Variants in GALNTL6 observed in about 807,000 individuals in gnomAD.
GALNTL6 encodes polypeptide N-acetylgalactosaminyltransferase like 6.
GALNTL6 carries 46 observed loss-of-function variants against 73.7 expected under a neutral mutation model. The ratio of observed to expected loss-of-function variants is 0.62; its 90% confidence interval spans 0.49 to 0.80. The LOEUF (loss-of-function observed/expected upper bound fraction) is 0.80. Ranked by LOEUF, GALNTL6 falls within the 30% of genes least tolerant of loss-of-function variation. The pLI is 0.00. For missense variants in GALNTL6, 604 were observed against 755.0 expected (o/e 0.80, Z 2.34); for synonymous variants, 259 against 263.7 (o/e 0.98, Z 0.17).
intron 5 of GALNTL6, among the ~76,000 whole-genome samples, chr4:172,789,634 G>C (rs1426659115): frequency 6.6e-6 from 1 of 152,138 alleles, no homozygotes; most frequent in African/African-American, 2.4e-5. Flanking sequence ...TCACTCTCCA[G>C]GGACCTCCAT....
chr4:172,539,301 C>A (rs1455360262), intron 5 of GALNTL6, among the ~76,000 whole-genome samples: 3 of 152,166 alleles, frequency 2.0e-5, no homozygotes, highest in African/African-American at 4.8e-5. Context: ...TCATCAGCAG[C>A]AGCAATAAAT....
chr4:173,019,617 T>C (rs1325774132), intron 11 of GALNTL6, among the ~76,000 whole-genome samples: 1 of 152,172 alleles, frequency 6.6e-6, no homozygotes, highest in Non-Finnish European at 1.5e-5. Flanking sequence ...CTTTAAAAAC[T>C]CTAGGAAAAA....
intron 5 of GALNTL6, among the ~76,000 whole-genome samples, chr4:172,458,866 A>G (rs1732507218): frequency 6.6e-6 from 1 of 152,238 alleles, no homozygotes; most frequent in South Asian, 2.1e-4. Context: ...TCATTTTATG[A>G]GGCCAGAATC....
intron 7 of GALNTL6, among the ~76,000 whole-genome samples, chr4:172,833,756 A>G (rs1475471976): frequency 6.6e-6 from 1 of 152,234 alleles, no homozygotes; most frequent in African/African-American, 2.4e-5. Flanking sequence ...TGAAAGTCTC[A>G]AAACTGAAGT....
intron 2 of GALNTL6, among the ~76,000 whole-genome samples, chr4:172,188,555 A>T (rs1579231776): frequency 2.0e-5 from 3 of 152,322 alleles, no homozygotes; most frequent in Admixed American, 2.0e-4. Context: ...ACTGCACCGA[A>T]TATTGCTAAC....
At chr4:172,828,208 G>A (rs1339868667) in intron 7 of GALNTL6, among the ~76,000 whole-genome samples, 3 of 148,156 alleles carry the variant, frequency 2.0e-5, no homozygotes, top group African/African-American at 7.6e-5. Context: ...GGAAGCAGAG[G>A]TTGCAGTCAG....
intron 5 of GALNTL6, among the ~76,000 whole-genome samples, chr4:172,468,516 A>T (rs1732923017): frequency 6.6e-6 from 1 of 152,228 alleles, no homozygotes; most frequent in South Asian, 2.1e-4. Flanking sequence ...AGGGGATTAT[A>T]TTCATTTTGA....
At chr4:172,263,558 A>C (rs147738020) in intron 3 of GALNTL6, among the ~76,000 whole-genome samples, 1 of 151,314 alleles carries the variant, frequency 6.6e-6, no homozygotes, top group Non-Finnish European at 1.5e-5. Context: ...TCACCTTTTT[A>C]TGATATCTCC....
intron 2 of GALNTL6, among the ~76,000 whole-genome samples, chr4:171,862,468 A>G (rs913098385): frequency 2.6e-5 from 4 of 152,064 alleles, no homozygotes; most frequent in Non-Finnish European, 5.9e-5. Context: ...ATTTATTTAA[A>G]TTCTGAATAT....
At position 172,372,971 on chromosome 4, in the gene GALNTL6, G is replaced by A. The variant is rs1340148260; in HGVS notation, c.553+24282G>A. Reference sequence around the variant, plus strand: ...AGATATTTCACCTGCTGCAGGCAAAGCTGGGCTTTCGACCTACACACCTTG... The same window carrying A: ...AGATATTTCACCTGCTGCAGGCAAAACTGGGCTTTCGACCTACACACCTTG... On this transcript the variant is annotated intron_variant, in intron 5 of 12. Coordinates refer to ENST00000506823, the MANE Select transcript of GALNTL6 (RefSeq NM_001034845.3). Among the ~76,000 whole-genome samples, 3 of 152,148 alleles carry A rather than the reference G, an allele frequency of 2.0e-5. 1 individual carries two copies. The highest frequency in any genetic ancestry group is 4.4e-5 in the Non-Finnish European group (3 of 68,022).
intron 2 of GALNTL6, among the ~76,000 whole-genome samples, chr4:171,834,002 TGA>T (rs1735040476): frequency 6.6e-6 from 1 of 151,744 alleles, no homozygotes; most frequent in African/African-American, 2.4e-5. Context: ...TGCCACAAAA[TGA>T]GAGACTTCTT....
chr4:172,791,533 C>T (rs1009568760), intron 5 of GALNTL6, among the ~76,000 whole-genome samples: 4 of 151,900 alleles, frequency 2.6e-5, no homozygotes, highest in Non-Finnish European at 5.9e-5. Flanking sequence ...AAAAAGATAA[C>T]GGAATGTGGA....
chr4:172,694,109 G>A (rs554481355), intron 5 of GALNTL6, among the ~76,000 whole-genome samples: 1 of 150,564 alleles, frequency 6.6e-6, no homozygotes, highest in South Asian at 2.1e-4. Flanking sequence ...GTATCAGTAA[G>A]CAGCTGCACT....
At chr4:172,070,751 C>A (rs554425103) in intron 2 of GALNTL6, among the ~76,000 whole-genome samples, 1 of 110,040 alleles carries the variant, frequency 9.1e-6, no homozygotes, top group South Asian at 2.6e-4. Context: ...TAAAAAAGAT[C>A]TCTGTTAATT....
At chr4:172,711,197 C>G (rs1467391224) in intron 5 of GALNTL6, among the ~76,000 whole-genome samples, 1 of 152,050 alleles carries the variant, frequency 6.6e-6, no homozygotes, top group Non-Finnish European at 1.5e-5. Flanking sequence ...GGTCAAAGAC[C>G]TAATTGTTGT....
intron 3 of GALNTL6, among the ~76,000 whole-genome samples, chr4:172,264,121 T>C (rs989147294): frequency 2.6e-5 from 4 of 151,708 alleles, no homozygotes; most frequent in African/African-American, 7.2e-5. Flanking sequence ...AAGACAGAGA[T>C]AAAGAAGGCC....
At chr4:172,113,234 TAATG>T (rs1169913004) in intron 2 of GALNTL6, among the ~76,000 whole-genome samples, 13 of 152,024 alleles carry the variant, frequency 8.6e-5, no homozygotes, top group Admixed American at 8.5e-4. Flanking sequence ...TTTTCTCACT[TAATG>T]AATTTATGCT....
intron 7 of GALNTL6, among the ~76,000 whole-genome samples, chr4:172,863,272 C>T (rs544505238): frequency 6.6e-6 from 1 of 152,166 alleles, no homozygotes; most frequent in African/African-American, 2.4e-5. Context: ...AAGAGGGCCA[C>T]CGTCCTCCAG....
chr4:172,844,462 C>CT (rs1743382981), intron 7 of GALNTL6, among the ~76,000 whole-genome samples: 3 of 152,336 alleles, frequency 2.0e-5, no homozygotes, highest in African/African-American at 7.2e-5. Context: ...AAACTCAAAT[C>CT]TTTTTCTTCC....
Sources: gnomAD v4.1 joint callset for allele counts (sites outside exome capture counted in the v4.1 genomes callset) on GRCh38, gnomAD v4.1.1 for gene constraint, MANE v1.5 for transcripts, NCBI Gene and HGNC (gene_info 2026-07-23, HGNC 2026-07-21) for gene names.